Variants in MMP26 observed in about 807,000 individuals in gnomAD.
MMP26 encodes the protein matrix metallopeptidase 26, also known as matrix metalloproteinase-26.
In MMP26, 33 loss-of-function variants were observed where a neutral mutation model predicts 31.0. The observed-to-expected ratio is 1.06, with a 90% CI of 0.81 to 1.42. The LOEUF is 1.42. Ranked by LOEUF, MMP26 falls within the 40% of genes most tolerant of loss-of-function variation. The pLI, the probability that MMP26 is intolerant of heterozygous loss-of-function variation, is 0.00. For synonymous variants in MMP26, 122 were observed against 114.9 expected (o/e 1.06, Z -0.40); for missense variants, 347 against 316.1 (o/e 1.10, Z -0.74).
chr11:4,769,184 G>A (rs1490825161), intron 2 of MMP26: 1 of 1,614,164 alleles, frequency 6.2e-7, no homozygotes, highest in Non-Finnish European at 8.5e-7. Context: ...TCCCACATGG[G>A]AGACACAGGT....
chr11:4,845,363 A>T (rs774387550), intron 2 of MMP26, among the ~76,000 whole-genome samples: 3 of 152,150 alleles, frequency 2.0e-5, no homozygotes, highest in Non-Finnish European at 2.9e-5. Context: ...ATGCAATTCC[A>T]ATGAAAATAT....
At chr11:4,915,577 G>A in intron 2 of MMP26, 1 of 1,614,062 alleles carries the variant, frequency 6.2e-7, no homozygotes. Context: ...AGATCCAGAT[G>A]TGCATGCGCT....
chr11:4,746,831 T>TCTCACACACA (rs1001819512), intron 1 of MMP26, among the ~76,000 whole-genome samples: 7 of 137,216 alleles, frequency 5.1e-5, no homozygotes, highest in African/African-American at 1.9e-4. Context: ...TAAGTCTCTG[T>TCTCACACACA]CACACACACA....
At chr11:4,742,434 C>A (rs560886669) in intron 1 of MMP26, among the ~76,000 whole-genome samples, 5 of 152,040 alleles carry the variant, frequency 3.3e-5, no homozygotes, top group Admixed American at 6.6e-5. Context: ...AAAACGTGGG[C>A]ATGAGGGGAG....
chr11:4,745,832 G>A lies in MMP26; in HGVS notation c.-216-21438G>A, dbSNP rs146181867. Among the ~76,000 whole-genome samples, 472 of 152,266 alleles carry A rather than the reference G, an allele frequency of 3.1e-3. 3 individuals are homozygous for A. Among genetic ancestry groups the A allele is most frequent in the African/African-American group, 9.7e-3 (405 of 41,550 alleles). ...TATCTCCAAAGTTTTGCCTTTTCCA[G>A]GATGTCATATAGTTGGAGTTATACA... is the stretch of plus-strand genomic sequence containing the variant. On this transcript the variant is annotated intron_variant, in intron 1 of 7. Transcript: ENST00000380390.
intron 1 of MMP26, among the ~76,000 whole-genome samples, chr11:4,708,824 T>C (rs1269109686): frequency 6.6e-6 from 1 of 152,218 alleles, no homozygotes; most frequent in African/African-American, 2.4e-5. Flanking sequence ...TCCATGACTT[T>C]CCAATGAATT....
intron 1 of MMP26, among the ~76,000 whole-genome samples, chr11:4,760,728 C>G (rs1848560648): frequency 6.6e-6 from 1 of 152,090 alleles, no homozygotes; most frequent in Non-Finnish European, 1.5e-5. Context: ...AAGATGTGGT[C>G]ATTTTACTGC....
rs553437204 is a variant in MMP26 at position 4,923,716 on chromosome 11, G to A, written c.-144-64352G>A. On this transcript the variant is annotated intron_variant, in intron 2 of 7. Transcript: ENST00000380390. ...AGATGAGCAGGGAGTCCACACCCAC[G>A]GTGCAGGCCACAACAAAGAGCCCAT... 2.3e-4 allele frequency: 375 copies of A among 1,613,894 alleles called. 3 individuals carry two copies. The South Asian group carries it at 3.8e-3, about 16-fold the overall frequency.
chr11:4,865,638 G>A (rs1007576390), intron 2 of MMP26, among the ~76,000 whole-genome samples: 1 of 152,014 alleles, frequency 6.6e-6, no homozygotes, highest in Admixed American at 6.6e-5. Context: ...TCGCAGAGGA[G>A]TAGCAGGAGT....
intron 2 of MMP26, chr11:4,860,230 A>G (rs1300881561): frequency 8.5e-6 from 4 of 471,256 alleles, no homozygotes; most frequent in South Asian, 6.2e-5. Flanking sequence ...TCCTGATTCT[A>G]CTATTCCAAA....
At chr11:4,973,529 A>G (rs1175272568) in intron 2 of MMP26, 5 of 152,502 alleles carry the variant, frequency 3.3e-5, no homozygotes, top group African/African-American at 1.2e-4. Context: ...AAAGGACATT[A>G]TAAGAAGTAC....
rs11034881 is a variant in MMP26, at chr11:4,953,824, G to T, written c.-144-34244G>T. On this transcript the variant is annotated intron_variant, in intron 2 of 7. Transcript: ENST00000380390. Reference sequence around the variant, plus strand: ...ACCAGCACTTTGGGAGGCCAAGGCAGGCGGATCACTTGAGGTCAGGAGTTT... The same window carrying T: ...ACCAGCACTTTGGGAGGCCAAGGCATGCGGATCACTTGAGGTCAGGAGTTT... Among the ~76,000 whole-genome samples the T allele has an allele frequency of 8.8e-5, 11 of 125,406 alleles. 2 individuals carry two copies. In the East Asian group the frequency reaches 2.0e-3, roughly 23 times the overall value. 82.3% of individuals were successfully genotyped at this position (125,406 alleles called of 152,430 possible). A position where few individuals can be genotyped will look rare whatever the true frequency, so the allele number is the denominator to read the frequency against.
chr11:4,749,657 G>A (rs1848423232), intron 1 of MMP26, among the ~76,000 whole-genome samples: 1 of 151,998 alleles, frequency 6.6e-6, no homozygotes, highest in South Asian at 2.1e-4. Flanking sequence ...TGACAGTGTT[G>A]ACAAAAACAT....
At chr11:4,912,457 G>A (rs1851006232) in intron 2 of MMP26, 1 of 152,074 alleles carries the variant, frequency 6.6e-6, no homozygotes, top group Non-Finnish European at 1.5e-5. Flanking sequence ...CTGTATACAT[G>A]CCTCAAAATT....
At chr11:4,835,648 TA>T (rs2133484215) in intron 2 of MMP26, among the ~76,000 whole-genome samples, 1 of 152,224 alleles carries the variant, frequency 6.6e-6, no homozygotes, top group African/African-American at 2.4e-5. Context: ...AGCAGAGTAA[TA>T]AACACATGGA....
At chr11:4,887,214 G>A (rs1850557200) in intron 2 of MMP26, among the ~76,000 whole-genome samples, 1 of 151,776 alleles carries the variant, frequency 6.6e-6, no homozygotes, top group Non-Finnish European at 1.5e-5. Flanking sequence ...ATTATATTAA[G>A]CTTTATTATA....
chr11:4,882,759 C>T (rs762379667), intron 2 of MMP26: 1 of 1,613,892 alleles, frequency 6.2e-7, no homozygotes, highest in Non-Finnish European at 8.5e-7. Context: ...CTCTTACCAC[C>T]TGTGCTGAAC....
rs1846410841 is a variant in MMP26 at position 4,954,683 on chromosome 11, T to G, written c.-144-33385T>G. 6.0e-6 allele frequency: 4 copies of G among 671,448 alleles called. 1 individual carries two copies. Among genetic ancestry groups the G allele is most frequent in the Non-Finnish European group, 1.0e-5 (4 of 394,638 alleles). 41.6% of individuals were successfully genotyped at this position (671,448 alleles called of 1,614,324 possible). On this transcript the variant is annotated intron_variant, in intron 2 of 7. Transcript: ENST00000380390. Reference sequence around the variant, plus strand: ...CTGTGATAACGATAAAAATATGTGTTGATAATTCTTGGTGTCAAATATTAG... The same window carrying G: ...CTGTGATAACGATAAAAATATGTGTGGATAATTCTTGGTGTCAAATATTAG...
At chr11:4,901,149 C>CTT (rs55678976) in intron 2 of MMP26, among the ~76,000 whole-genome samples, 10,951 of 84,104 alleles carry the variant, frequency 0.13, 3,165 homozygotes, top group Middle Eastern at 0.23. Context: ...CCTCTTTGTG[C>CTT]TTTTTTTTTT....
Sources: gnomAD v4.1 joint callset for allele counts (sites outside exome capture counted in the v4.1 genomes callset) on GRCh38, gnomAD v4.1.1 for gene constraint, MANE v1.5 for transcripts, NCBI Gene and HGNC (gene_info 2026-07-23, HGNC 2026-07-21) for gene names.